CCDC201: variants seen among roughly 807,000 people sequenced by gnomAD.
CCDC201 encodes the protein coiled-coil domain-containing protein 201.
At chr7:45,868,911 T>A (rs887393559) in intron 1 of CCDC201, among the ~76,000 whole-genome samples, 4 of 152,258 alleles carry the variant, frequency 2.6e-5, no homozygotes, top group Admixed American at 2.6e-4. Context: ...CTCTAGGTAG[T>A]TTCCTTTAGC....
the CCDC201 span, among the ~76,000 whole-genome samples, chr7:45,878,315 G>T: frequency 6.6e-6 from 1 of 152,244 alleles, no homozygotes; most frequent in Admixed American, 6.5e-5. Flanking sequence ...CTACTGGGCA[G>T]TGCTCCAGTG....
At chr7:45,876,585 C>A (rs1019263333), upstream of CCDC201, among the ~76,000 whole-genome samples, 1 of 152,258 alleles carries the variant, frequency 6.6e-6, no homozygotes, top group African/African-American at 2.4e-5. Flanking sequence ...TTGCCCCAAC[C>A]TCCTGAATCT....
At chr7:45,879,205 G>T in the CCDC201 span, among the ~76,000 whole-genome samples, 2 of 152,246 alleles carry the variant, frequency 1.3e-5, no homozygotes, top group South Asian at 4.1e-4. Context: ...TAGCATTTTG[G>T]TCACAACTAT....
upstream of CCDC201, among the ~76,000 whole-genome samples, chr7:45,873,508 A>G (rs1786764722): frequency 1.3e-5 from 2 of 151,752 alleles, no homozygotes; most frequent in African/African-American, 4.8e-5. Flanking sequence ...CTGAAACTTG[A>G]GCTGCTCAGA....
exon 3 of CCDC201, chr7:45,860,462 T>C (rs559200087): frequency 6.6e-6 from 1 of 152,218 alleles, no homozygotes; most frequent in African/African-American, 2.4e-5. Context: ...GCATACACAG[T>C]GAGAGTTAAG....
the CCDC201 span, among the ~76,000 whole-genome samples, chr7:45,881,821 C>A: frequency 6.6e-6 from 1 of 152,186 alleles, no homozygotes; most frequent in Non-Finnish European, 1.5e-5. Flanking sequence ...GGCCTGGACA[C>A]ATCTGTGCTC....
chr7:45,867,880 G>A (rs28412529), intron 1 of CCDC201, among the ~76,000 whole-genome samples: 8,394 of 152,326 alleles, frequency 0.055, 329 homozygotes, highest in East Asian at 0.19. Context: ...TAATGATGGT[G>A]AAGTAATAGA....
upstream of CCDC201, among the ~76,000 whole-genome samples, chr7:45,875,636 C>T (rs1394702595): frequency 6.6e-6 from 1 of 152,130 alleles, no homozygotes; most frequent in Non-Finnish European, 1.5e-5. Flanking sequence ...AGGTAAAGCT[C>T]CCTTAGCACC....
At chr7:45,878,935 CT>C in the CCDC201 span, among the ~76,000 whole-genome samples, 3 of 152,252 alleles carry the variant, frequency 2.0e-5, no homozygotes, top group African/African-American at 4.8e-5. Flanking sequence ...CAGATAATCT[CT>C]TTGCACATGC....
intron 1 of CCDC201, among the ~76,000 whole-genome samples, chr7:45,870,637 T>G (rs1231680667): frequency 6.6e-6 from 1 of 152,200 alleles, no homozygotes; most frequent in Non-Finnish European, 1.5e-5. Context: ...ATAGCTGTTA[T>G]GATTACAACA....
At chr7:45,874,207 C>T (rs983575494), upstream of CCDC201, among the ~76,000 whole-genome samples, 59 of 152,122 alleles carry the variant, frequency 3.9e-4, no homozygotes, top group Non-Finnish European at 2.2e-4. Context: ...CCACCATGCA[C>T]GGCCAGTAAG....
upstream of CCDC201, among the ~76,000 whole-genome samples, chr7:45,873,812 G>C (rs963921582): frequency 1.2e-4 from 19 of 152,174 alleles, no homozygotes; most frequent in African/African-American, 4.6e-4. Flanking sequence ...AGCTAGTAAC[G>C]ACTAGAATGA....
chr7:45,865,116 C>G (rs1298473876), intron 2 of CCDC201, among the ~76,000 whole-genome samples: 1 of 152,110 alleles, frequency 6.6e-6, no homozygotes, highest in Non-Finnish European at 1.5e-5. Flanking sequence ...CGGAAAAGTG[C>G]CCCTTCTCAG....
chr7:45,868,136 G>A (rs1425136622), intron 1 of CCDC201, among the ~76,000 whole-genome samples: 1 of 152,186 alleles, frequency 6.6e-6, no homozygotes, highest in East Asian at 1.9e-4. Context: ...TGAGGTATTG[G>A]CTTCATTCAT....
the CCDC201 span, among the ~76,000 whole-genome samples, chr7:45,884,021 CTCTT>C: frequency 8.2e-6 from 1 of 122,012 alleles, no homozygotes; most frequent in Non-Finnish European, 1.9e-5. Flanking sequence ...TTCTTTCTCT[CTCTT>C]TCTTCCTTCC....
At chr7:45,881,532 T>C in the CCDC201 span, among the ~76,000 whole-genome samples, 3 of 152,104 alleles carry the variant, frequency 2.0e-5, no homozygotes, top group African/African-American at 7.2e-5. Flanking sequence ...TTTCTACTCA[T>C]CTAGGTAGAA....
chr7:45,866,044 C>T (rs993637658), exon 2 of CCDC201: 18 of 158,062 alleles, frequency 1.1e-4, no homozygotes, highest in Middle Eastern at 3.3e-3. Context: ...ACCGCAGCTG[C>T]CCGCTTCTTC....
At chr7:45,867,899 T>C (rs1262683975) in intron 1 of CCDC201, among the ~76,000 whole-genome samples, 1 of 152,264 alleles carries the variant, frequency 6.6e-6, no homozygotes, top group Non-Finnish European at 1.5e-5. Context: ...GAGAGCTAAG[T>C]TTCTCTTAGA....
At chr7:45,884,970 G>T in the CCDC201 span, among the ~76,000 whole-genome samples, 2 of 152,164 alleles carry the variant, frequency 1.3e-5, no homozygotes, top group Non-Finnish European at 2.9e-5. Context: ...GGGAAAGAAT[G>T]CAGACAGAAG....
Sources: gnomAD v4.1 joint callset for allele counts (sites outside exome capture counted in the v4.1 genomes callset) on GRCh38, gnomAD v4.1.1 for gene constraint, MANE v1.5 for transcripts, NCBI Gene and HGNC (gene_info 2026-07-23, HGNC 2026-07-21) for gene names.